The following MYO5C variants were observed in gnomAD, a reference collection of about 807,000 sequenced individuals.
MYO5C encodes the protein unconventional myosin-Vc.
MYO5C carries 194 observed loss-of-function variants against 235.7 expected under a neutral mutation model. That is an observed-to-expected ratio of 0.82 (90% CI 0.73 to 0.93). The LOEUF (loss-of-function observed/expected upper bound fraction) is 0.93. Ranked by LOEUF, MYO5C falls within the 40% of genes least tolerant of loss-of-function variation. The pLI is 0.00. For missense variants in MYO5C, 2,038 were observed against 2,127.2 expected (o/e 0.96, Z 0.82); for synonymous variants, 707 against 754.8 (o/e 0.94, Z 1.04).
At chr15:52,213,442 T>C in intron 33 of MYO5C, 156 bp from the exon 34 acceptor site, 1 of 580,512 alleles carries the variant, frequency 1.7e-6, no homozygotes, top group Non-Finnish European at 3.1e-6. Context: ...TCCTGAAGAA[T>C]TTCTCCAAGT....
chr15:52,194,024 G>A lies in MYO5C; in HGVS notation c.5107C>T (p.Gln1703Ter). ...ALLNSREDSSQLMLDTKYLFQ... is the reference protein window; with the variant it reads ...ALLNSREDSS ...AGATATTTGGTATCCAACATCAGCTGTGATGAATCCTCCCGGCTATTTAGG... is the reference window on the plus strand; with the variant it reads ...AGATATTTGGTATCCAACATCAGCTATGATGAATCCTCCCGGCTATTTAGG... Residue 1703 changes from glutamine to a stop codon, truncating the protein, a stop_gained, in exon 41 of 41, where the codon CAG becomes TAG. Coordinates refer to ENST00000261839, the MANE Select transcript of MYO5C (RefSeq NM_018728.4). LOFTEE classifies it high-confidence loss of function. The A allele has an allele frequency of 1.2e-6, 2 of 1,613,576 alleles. No individual in the cohort carries two copies. The highest frequency in any genetic ancestry group is 1.7e-6 in the Non-Finnish European group (2 of 1,179,858).
intron 7 of MYO5C, among the ~76,000 whole-genome samples, chr15:52,271,410 G>C (rs944724077): frequency 6.6e-6 from 1 of 152,024 alleles, no homozygotes; most frequent in African/African-American, 2.4e-5. Flanking sequence ...TGTATTTTTA[G>C]TAGAGACAGG....
intron 37 of MYO5C, 188 bp downstream of exon 37, chr15:52,205,628 C>T (rs1284700168): frequency 2.4e-6 from 1 of 414,410 alleles, no homozygotes. Context: ...AAACTACCAA[C>T]AGCGTACTAT....
chr15:52,205,133 C>T lies in MYO5C; in HGVS notation c.4552G>A (p.Glu1518Lys), dbSNP rs1196060292. 1 of 1,613,866 alleles carries T rather than the reference C, an allele frequency of 6.2e-7. No individual in the cohort carries two copies. The highest frequency in any genetic ancestry group is 1.7e-5 in the Admixed American group (1 of 60,014). Residue 1518 changes from glutamate to lysine, a missense_variant, in exon 38 of 41, where the codon GAG (glutamate) becomes AAG (lysine). By Grantham distance (56) the Glu-to-Lys change is moderately conservative. Coordinates refer to ENST00000261839, the MANE Select transcript of MYO5C (RefSeq NM_018728.4). ...IQPIIVPGML[E>K]YESLQGISGL... ...GAAATGCCCTGCAGGCTCTCATACT[C>T]CAGCATTCCCGGAACTGCGGAGAGA...
At chr15:52,279,094 C>T (rs947670661) in intron 3 of MYO5C, 77 bp from the exon 4 acceptor site, 12 of 1,435,440 alleles carry the variant, frequency 8.4e-6, no homozygotes, top group Admixed American at 2.0e-5. Context: ...TTTAAGAAAC[C>T]CCAGCTCTGT....
chr15:52,242,547 A>G (rs2036251122), intron 19 of MYO5C: 2 of 209,162 alleles, frequency 9.6e-6, no homozygotes, highest in African/African-American at 4.5e-5. Flanking sequence ...GGCTGCTTTC[A>G]TGACACAGCA....
intron 1 of MYO5C, among the ~76,000 whole-genome samples, chr15:52,284,384 C>T (rs1402257611): frequency 6.6e-6 from 1 of 151,818 alleles, no homozygotes; most frequent in Non-Finnish European, 1.5e-5. Context: ...AGTTCTGGAA[C>T]AGCTAAAACT....
At chr15:52,217,618 T>A (rs537076774) in intron 32 of MYO5C, among the ~76,000 whole-genome samples, 1 of 152,366 alleles carries the variant, frequency 6.6e-6, no homozygotes, top group South Asian at 2.1e-4. Context: ...AGCTGTCATG[T>A]AGGTGTCACT....
intron 29 of MYO5C, 105 bp from the exon 30 acceptor site, chr15:52,221,360 G>C: frequency 1.3e-6 from 1 of 772,520 alleles, no homozygotes; most frequent in Non-Finnish European, 2.0e-6. Flanking sequence ...CTGCAGAACA[G>C]ATAGCTGTGT....
rs199931925 is a variant in MYO5C at position 52,204,872 on chromosome 15, G to A, written c.4813C>T (p.Gln1605Ter). Residue 1605 changes from glutamine (Q) to a stop codon, truncating the protein, a stop_gained, in exon 38 of 41, where the codon CAG becomes TAG. Coordinates refer to ENST00000261839, the MANE Select transcript of MYO5C (RefSeq NM_018728.4). LOFTEE classifies it high-confidence loss of function. ...KDMCSCRKGM[Q>*]IRCNISYLEE... ...GAGGTTTCTGGGTTTTACCTGATCT[G>A]CATCCCTTTTCTGCAGGAGCACATG... is the stretch of plus-strand genomic sequence containing the variant. 6.2e-7 allele frequency: 1 copy of A among 1,613,842 alleles called. No homozygotes were observed. The highest frequency in any genetic ancestry group is 8.5e-7 in the Non-Finnish European group (1 of 1,179,938).
At chr15:52,194,298 T>C (rs1338242237) in intron 40 of MYO5C, among the ~76,000 whole-genome samples, 4 of 152,240 alleles carry the variant, frequency 2.6e-5, no homozygotes, top group Non-Finnish European at 5.9e-5. Context: ...TCCCATGGGA[T>C]GAGTTGACCA....
chr15:52,239,675 A>T, intron 21 of MYO5C, 58 bp downstream of exon 21: 1 of 1,530,262 alleles, frequency 6.5e-7, no homozygotes, highest in East Asian at 2.3e-5. Context: ...ACTGCTCCAG[A>T]ACAAACTACA....
intron 35 of MYO5C, 34 bp downstream of exon 35, chr15:52,211,696 G>A (rs545892244): frequency 2.5e-6 from 4 of 1,603,150 alleles, no homozygotes; most frequent in African/African-American, 1.3e-5. Flanking sequence ...CCATAGATGT[G>A]ATACCAGGGG....
At position 52,269,741 on chromosome 15, in the gene MYO5C, A is replaced by G; in HGVS notation, c.940+12T>C. The G allele has an allele frequency of 2.5e-6, 4 of 1,576,086 alleles. No individual in the cohort carries two copies. The highest frequency in any genetic ancestry group is 3.5e-6 in the Non-Finnish European group (4 of 1,150,600). On this transcript the variant is annotated intron_variant, in intron 8 of 40. Coordinates refer to ENST00000261839, the MANE Select transcript of MYO5C (RefSeq NM_018728.4). ...AAATGGCTACATACTTGGATGGGAT[A>G]TTTTCCCTTACCCAGAAGCGTGAAG...
intron 11 of MYO5C, 58 bp downstream of exon 11, chr15:52,256,581 A>ACCCG: frequency 1.1e-6 from 1 of 914,952 alleles, no homozygotes; most frequent in Non-Finnish European, 1.6e-6. Flanking sequence ...ACACACACAC[A>ACCCG]CACACACGCG....
chr15:52,294,558 T>A (rs2037458903), intron 1 of MYO5C, among the ~76,000 whole-genome samples: 1 of 152,216 alleles, frequency 6.6e-6, no homozygotes, highest in Admixed American at 6.5e-5. Context: ...AGCAAAAGCA[T>A]CTTTTAAAGT....
Position 52,218,389 on chromosome 15 carries a change from A to G in MYO5C, c.3954+130T>C, listed in dbSNP as rs2035601168. ...GAGACCACCTGTCTTTTGGGATAAG[A>G]AAACAGACTGCTCTGATGGAAGGAC... On this transcript the variant is annotated intron_variant, in intron 32 of 40. Transcript: ENST00000261839. 6 of 968,824 alleles carry G rather than the reference A, an allele frequency of 6.2e-6. No homozygotes were observed. The South Asian group carries it at 7.0e-5, about 11-fold the overall frequency. The allele number at this position is 968,824 out of a possible 1,614,324, so 60.0% of individuals were successfully genotyped here. A position where few individuals can be genotyped will look rare whatever the true frequency, so the allele number is the denominator to read the frequency against.
At chr15:52,248,888 G>A (rs942933834) in intron 13 of MYO5C, 105 bp from the exon 14 acceptor site, 2 of 787,176 alleles carry the variant, frequency 2.5e-6, no homozygotes, top group Admixed American at 2.7e-5. Context: ...AAAGGCTACA[G>A]AGGCAATCTT....
intron 38 of MYO5C, among the ~76,000 whole-genome samples, chr15:52,198,580 G>T: frequency 6.6e-6 from 1 of 151,822 alleles, no homozygotes; most frequent in African/African-American, 2.4e-5. Flanking sequence ...GTTGCTTTTT[G>T]TTTGTTTTTT....
Sources: gnomAD v4.1 joint callset for allele counts (sites outside exome capture counted in the v4.1 genomes callset) on GRCh38, gnomAD v4.1.1 for gene constraint, MANE v1.5 for transcripts, NCBI Gene and HGNC (gene_info 2026-07-23, HGNC 2026-07-21) for gene names.